Variants in ATP2C2 observed in about 807,000 individuals in gnomAD.
ATP2C2 encodes ATPase secretory pathway Ca2+ transporting 2.
Under a neutral mutation model 110.8 loss-of-function variants are expected in ATP2C2, and 171 were observed. The observed-to-expected ratio is 1.54, with a 90% confidence interval of 1.36 to 1.75. The LOEUF (loss-of-function observed/expected upper bound fraction) is 1.75, where lower values mean the gene tolerates loss of function less well. ATP2C2 is among the 40% of genes most tolerant of loss of function. ATP2C2 has a pLI of 0.00. For synonymous variants in ATP2C2, 804 were observed against 508.4 expected (o/e 1.58, Z -7.82); for missense variants, 1,963 against 1,235.0 (o/e 1.59, Z -8.84).
intron 1 of ATP2C2, among the ~76,000 whole-genome samples, chr16:84,389,317 G>A (rs553119212): frequency 2.6e-5 from 4 of 152,256 alleles, no homozygotes; most frequent in East Asian, 3.9e-4. Context: ...TAGATTCCCC[G>A]CGATCTGCAC....
At position 84,447,977 on chromosome 16, in the gene ATP2C2, C is replaced by G. The variant is rs368320909; in HGVS notation, c.1504-556C>G. Among the ~76,000 whole-genome samples the G allele has an allele frequency of 1.8e-4, 27 of 151,986 alleles. 1 individual carries two copies. The highest frequency in any genetic ancestry group is 6.3e-4 in the African/African-American group (26 of 41,428). ...GAGCCAGGTATGTCCGGTATTGAGG[C>G]TAGGGGTACAGTGTGACTCTCACTG... On this transcript the variant is annotated intron_variant, in intron 16 of 26. Transcript: ENST00000262429.
At chr16:84,376,637 A>G (rs1419743417) in intron 1 of ATP2C2, among the ~76,000 whole-genome samples, 1 of 151,898 alleles carries the variant, frequency 6.6e-6, no homozygotes, top group Non-Finnish European at 1.5e-5. Context: ...AAGCCAAAAG[A>G]TTGGACACCC....
chr16:84,368,930 T>C (rs1474681292), intron 1 of ATP2C2, among the ~76,000 whole-genome samples: 3 of 152,208 alleles, frequency 2.0e-5, no homozygotes, highest in Non-Finnish European at 4.4e-5. Flanking sequence ...ACCCATTTTG[T>C]GGTTGAGAAA....
At chr16:84,448,453 C>T (rs563272803) in intron 16 of ATP2C2, 80 bp from the exon 17 acceptor site, 2 of 1,482,886 alleles carry the variant, frequency 1.3e-6, no homozygotes, top group African/African-American at 1.4e-5. Flanking sequence ...GTCTTTGTAA[C>T]CTTGTGCAGA....
chr16:84,451,146 T>C (rs1023990691), intron 17 of ATP2C2, among the ~76,000 whole-genome samples: 4 of 152,082 alleles, frequency 2.6e-5, no homozygotes, highest in African/African-American at 9.7e-5. Context: ...GAAAGGCACG[T>C]CTTACATGGC....
intron 1 of ATP2C2, 32 bp from the exon 2 acceptor site, chr16:84,398,467 T>A: frequency 6.9e-7 from 1 of 1,457,804 alleles, no homozygotes; most frequent in Non-Finnish European, 9.3e-7. Context: ...AAAAGTTCAA[T>A]CCGCTAAACA....
Position 84,398,840 on chromosome 16 carries a change from G to C in ATP2C2, c.210+231G>C, listed in dbSNP as rs1278490625. ...CTTACCGGAAGACGGCGTCCTTTGA[G>C]ACACTCTGTGTACGCTGCTTCTCTT... On this transcript the variant is annotated intron_variant, in intron 2 of 26. Coordinates refer to ENST00000262429, the MANE Select transcript of ATP2C2 (RefSeq NM_014861.4). Among the ~76,000 whole-genome samples, 5 of 152,332 alleles carry C rather than the reference G, an allele frequency of 3.3e-5. No homozygotes were observed. The South Asian group carries it at 1.0e-3, about 32-fold the overall frequency.
chr16:84,446,348 A>C lies in ATP2C2; in HGVS notation c.1421A>C (p.Lys474Thr). Residue 474 changes from lysine to threonine, a missense_variant, in exon 16 of 27, where the codon AAA becomes ACA. Lys to Thr is a moderately conservative substitution (Grantham distance 78). Coordinates refer to ENST00000262429, the MANE Select transcript of ATP2C2 (RefSeq NM_014861.4). The stretch of plus-strand genomic sequence containing the variant: ...TGCTAGATGGACTTAAGTGATATTA[A>C]AAATTCATATATAAGAAAAAAAGAG... ...LAMKMDLSDI[K>T]NSYIRKKEIP... 1 of 1,591,732 alleles carries C rather than the reference A, an allele frequency of 6.3e-7. No homozygotes were observed.
chr16:84,399,605 T>A (rs768676758), intron 2 of ATP2C2, among the ~76,000 whole-genome samples: 9 of 152,194 alleles, frequency 5.9e-5, no homozygotes, highest in Non-Finnish European at 7.3e-5. Flanking sequence ...ATATAATTGT[T>A]TTAGCTACTG....
chr16:84,444,285 C>G (rs1909547734), intron 15 of ATP2C2, among the ~76,000 whole-genome samples: 1 of 150,848 alleles, frequency 6.6e-6, no homozygotes, highest in Admixed American at 6.6e-5. Flanking sequence ...CCAGCCTGGC[C>G]AACATGGTGA....
chr16:84,448,748 G>C lies in ATP2C2; in HGVS notation c.1660+59G>C, dbSNP rs559317403. ...GCTTGCATGTAACATTGACTTTTAAGTGCATTCAAGCAGGGTCCCTAGTCA... is the reference window on the plus strand; with the variant it reads ...GCTTGCATGTAACATTGACTTTTAACTGCATTCAAGCAGGGTCCCTAGTCA... On this transcript the variant is annotated intron_variant, in intron 17 of 26. Coordinates refer to ENST00000262429, the MANE Select transcript of ATP2C2 (RefSeq NM_014861.4). 3 of 1,552,936 alleles carry C rather than the reference G, an allele frequency of 1.9e-6. No homozygotes were observed. The South Asian group carries it at 3.6e-5, about 19-fold the overall frequency.
intron 11 of ATP2C2, among the ~76,000 whole-genome samples, chr16:84,432,207 C>T (rs573251381): frequency 9.9e-5 from 15 of 152,186 alleles, no homozygotes; most frequent in African/African-American, 2.7e-4. Flanking sequence ...TTCATGCACC[C>T]ATCACCTGAG....
intron 1 of ATP2C2, among the ~76,000 whole-genome samples, chr16:84,379,934 A>G (rs965893220): frequency 3.3e-5 from 5 of 152,122 alleles, no homozygotes; most frequent in Non-Finnish European, 5.9e-5. Context: ...TGGGAATGCT[A>G]CTGTTAAAGT....
intron 1 of ATP2C2, among the ~76,000 whole-genome samples, chr16:84,395,869 G>C (rs1486029565): frequency 2.0e-5 from 3 of 152,030 alleles, no homozygotes; most frequent in Non-Finnish European, 4.4e-5. Flanking sequence ...CCATTTTTAA[G>C]GGTATGGCTC....
chr16:84,409,983 T>C (rs247816), intron 4 of ATP2C2, among the ~76,000 whole-genome samples: 98,294 of 151,790 alleles, frequency 0.65, 32,408 homozygotes, highest in South Asian at 0.75. Flanking sequence ...GCCTGGGGGG[T>C]GGATCACGAG....
Position 84,452,087 on chromosome 16 carries a change from C to A in ATP2C2, c.1827C>A (p.Ala609=). 1 of 1,613,938 alleles carries A rather than the reference C, an allele frequency of 6.2e-7. No homozygotes were observed. Among genetic ancestry groups the A allele is most frequent in the Non-Finnish European group, 8.5e-7 (1 of 1,179,972 alleles). The change falls in exon 18 of 27, where the codon GCC becomes GCA. Residue 609 remains alanine (A), a synonymous_variant. Transcript: ENST00000262429. The part of the protein sequence containing the change: ...ITGDALETAL[A]IGRNIGLCNG... The stretch of plus-strand genomic sequence containing the variant: ...GGGATGCCCTGGAGACGGCCTTGGC[C>A]ATAGGTAACTGGGACAGGGTCGGGG...
chr16:84,458,796 G>A (rs538906547), intron 21 of ATP2C2, among the ~76,000 whole-genome samples: 19 of 152,190 alleles, frequency 1.2e-4, no homozygotes, highest in Non-Finnish European at 2.1e-4. Context: ...GATGCACGGC[G>A]CACTTCGGGA....
chr16:84,460,507 G>A (rs1911194318), intron 23 of ATP2C2, 147 bp from the exon 24 acceptor site: 2 of 1,076,796 alleles, frequency 1.9e-6, no homozygotes, highest in African/African-American at 3.1e-5. Flanking sequence ...GCCGAGGAGG[G>A]CAGGTGCGAT....
chr16:84,449,059 C>T lies in ATP2C2; in HGVS notation c.1660+370C>T, dbSNP rs1307869430. ...CAAGGAACATATTTTTTCCCTTAGC[C>T]ATTTTCAATTTTCTGCAGCAGAGCC... On this transcript the variant is annotated intron_variant, in intron 17 of 26. Coordinates refer to ENST00000262429, the MANE Select transcript of ATP2C2 (RefSeq NM_014861.4). Among the ~76,000 whole-genome samples the T allele has an allele frequency of 4.6e-5, 7 of 152,200 alleles. 1 individual carries two copies. The highest frequency in any genetic ancestry group is 3.3e-4 in the Admixed American group (5 of 15,284).
Sources: allele counts gnomAD v4.1 joint callset (sites outside exome capture counted in the v4.1 genomes callset), GRCh38; gene constraint gnomAD v4.1.1; transcripts MANE v1.5; gene names NCBI Gene and HGNC (gene_info 2026-07-23, HGNC 2026-07-21).